Variants in ZNF248 observed in about 807,000 individuals in gnomAD.
The protein encoded by ZNF248 is KRAB protein domain.
Under a neutral mutation model 44.3 loss-of-function variants are expected in ZNF248, and 20 were observed. That is an observed-to-expected ratio of 0.45 (90% confidence interval 0.32 to 0.66). The LOEUF (loss-of-function observed/expected upper bound fraction) is 0.66, where lower values mean the gene tolerates loss of function less well. ZNF248 is among the 30% of genes least tolerant of loss of function. The pLI, the probability that ZNF248 is intolerant of heterozygous loss-of-function variation, is 0.04. For synonymous variants in ZNF248, 224 were observed against 229.0 expected (o/e 0.98, Z 0.20); for missense variants, 654 against 677.0 (o/e 0.97, Z 0.38).
chr10:37,850,219 G>A (rs1031326415), intron 3 of ZNF248, among the ~76,000 whole-genome samples: 1 of 152,146 alleles, frequency 6.6e-6, no homozygotes, highest in Non-Finnish European at 1.5e-5. Flanking sequence ...TTTGAACAGC[G>A]TTTGCAATTC....
At chr10:37,784,289 T>G (rs1230071376) in intron 6 of ZNF248, among the ~76,000 whole-genome samples, 2 of 152,238 alleles carry the variant, frequency 1.3e-5, no homozygotes, top group African/African-American at 4.8e-5. Flanking sequence ...TCCAAGTCCA[T>G]CTTAAAGTCC....
chr10:37,759,018 C>T, the ZNF248 span, among the ~76,000 whole-genome samples: 2 of 152,146 alleles, frequency 1.3e-5, no homozygotes, highest in African/African-American at 4.8e-5. Context: ...AAGGAGACCA[C>T]TAGGCAAGGA....
downstream of ZNF248, among the ~76,000 whole-genome samples, chr10:37,824,116 A>T (rs2053960025): frequency 6.6e-6 from 1 of 152,186 alleles, no homozygotes; most frequent in Non-Finnish European, 1.5e-5. Flanking sequence ...CTCGGGGCCC[A>T]GGAGGACTGA....
At chr10:37,799,721 A>C (rs1199599797) in intron 6 of ZNF248, among the ~76,000 whole-genome samples, 1 of 152,206 alleles carries the variant, frequency 6.6e-6, no homozygotes, top group Non-Finnish European at 1.5e-5. Context: ...TGGAAGAAAA[A>C]ATACACACAG....
intron 6 of ZNF248, among the ~76,000 whole-genome samples, chr10:37,809,981 G>A (rs375891726): frequency 2.6e-5 from 4 of 152,072 alleles, no homozygotes; most frequent in East Asian, 3.9e-4. Context: ...AATAACTAAC[G>A]TGCATTTGAG....
chr10:37,813,906 C>T (rs980723193), intron 6 of ZNF248, among the ~76,000 whole-genome samples: 11 of 152,164 alleles, frequency 7.2e-5, no homozygotes, highest in African/African-American at 1.7e-4. Flanking sequence ...TTAGTGTCTT[C>T]GGACACAGAT....
intron 6 of ZNF248, among the ~76,000 whole-genome samples, chr10:37,811,421 A>G (rs574701578): frequency 2.4e-3 from 364 of 152,240 alleles, no homozygotes; most frequent in Non-Finnish European, 2.9e-3. Context: ...ATGACAACTT[A>G]GAGCAAAAAA....
At chr10:37,777,376 T>C (rs959132630) in intron 6 of ZNF248, among the ~76,000 whole-genome samples, 1 of 152,180 alleles carries the variant, frequency 6.6e-6, no homozygotes, top group Non-Finnish European at 1.5e-5. Flanking sequence ...CTTTCAGGAC[T>C]TGCATAAACA....
Position 37,832,615 on chromosome 10 carries a change from C to G in ZNF248, c.740G>C (p.Cys247Ser). ...TAAACTTTCAATGAAGGTTCTTCCA[C>G]ATTCGTTATATTTACAGACTGTCTC... is the stretch of plus-strand genomic sequence containing the variant. ...IGETVCKYNE[C>S]GRTFIESLKL... Residue 247 changes from cysteine to serine, a missense_variant, in exon 6 of 6, where the codon TGT (cysteine) becomes TCT (serine). Cys to Ser is a moderately radical substitution (Grantham distance 112). Coordinates refer to ENST00000395867, the MANE Select transcript of ZNF248 (RefSeq NM_021045.3). The G allele has an allele frequency of 2.5e-6, 4 of 1,613,456 alleles. No homozygotes were observed. The highest frequency in any genetic ancestry group is 3.4e-6 in the Non-Finnish European group (4 of 1,179,882).
At chr10:37,778,271 T>C (rs2046841763) in intron 6 of ZNF248, among the ~76,000 whole-genome samples, 1 of 151,348 alleles carries the variant, frequency 6.6e-6, no homozygotes. Context: ...TTGATTTGCA[T>C]TTCTCTGATG....
intron 6 of ZNF248, among the ~76,000 whole-genome samples, chr10:37,802,230 A>G (rs2049925845): frequency 6.6e-6 from 1 of 152,154 alleles, no homozygotes; most frequent in Admixed American, 6.5e-5. Flanking sequence ...GTTTCTTGTT[A>G]CTCATGGAGA....
chr10:37,800,083 A>G (rs904516349), intron 6 of ZNF248, among the ~76,000 whole-genome samples: 2 of 152,106 alleles, frequency 1.3e-5, no homozygotes, highest in Non-Finnish European at 2.9e-5. Flanking sequence ...AGAAAAAAGA[A>G]AACACCAGAC....
chr10:37,813,025 GAAA>G (rs75862715), intron 6 of ZNF248, among the ~76,000 whole-genome samples: 8 of 108,632 alleles, frequency 7.4e-5, no homozygotes, highest in South Asian at 3.1e-4. Context: ...ATGGCAAAAA[GAAA>G]AAAAAAAAAA....
At chr10:37,781,427 T>C (rs1288629248) in intron 6 of ZNF248, among the ~76,000 whole-genome samples, 1 of 152,224 alleles carries the variant, frequency 6.6e-6, no homozygotes, top group Non-Finnish European at 1.5e-5. Context: ...CAAGATGCAT[T>C]TTAAGGTGTG....
In ZNF248 at chr10:37,841,760, T is replaced by A. The variant is rs557239274; in HGVS notation, c.16-3649A>T. On this transcript the variant is annotated intron_variant, in intron 3 of 5. Transcript: ENST00000395867. ...TCATGCTCATAGCATTTTCCCTTGA[T>A]AGGATGTGACTGAATGACACTACCT... Among the ~76,000 whole-genome samples, 329 of 152,336 alleles carry A rather than the reference T, an allele frequency of 2.2e-3. 1 individual carries two copies. Among genetic ancestry groups the A allele is most frequent in the Non-Finnish European group, 3.0e-3 (207 of 68,040 alleles).
chr10:37,833,170 A>T (rs2056318324), intron 5 of ZNF248, 54 bp from the exon 6 acceptor site: 1 of 1,515,758 alleles, frequency 6.6e-7, no homozygotes, highest in African/African-American at 1.4e-5. Flanking sequence ...TTTCTGATGG[A>T]ATCAGACTTT....
rs562441899 is a variant in ZNF248, at chr10:37,842,962, G to C, written c.16-4851C>G. On this transcript the variant is annotated intron_variant, in intron 3 of 5. Coordinates refer to ENST00000395867, the MANE Select transcript of ZNF248 (RefSeq NM_021045.3). Reference sequence around the variant, plus strand: ...AATCAGGACACGAAGGCTAAAGCAAGGTTGTAAACAGCCTGGCTAAATGTT... The same window carrying C: ...AATCAGGACACGAAGGCTAAAGCAACGTTGTAAACAGCCTGGCTAAATGTT... Among the ~76,000 whole-genome samples, 3 of 152,276 alleles carry C rather than the reference G, an allele frequency of 2.0e-5. No individual in the cohort carries two copies. In the East Asian group the frequency reaches 5.8e-4, roughly 29 times the overall value.
At chr10:37,777,491 C>T (rs1217854998) in intron 6 of ZNF248, among the ~76,000 whole-genome samples, 7 of 151,704 alleles carry the variant, frequency 4.6e-5, no homozygotes, top group African/African-American at 2.4e-5. Flanking sequence ...CCTAAAACCT[C>T]AATAAACGCC....
chr10:37,775,087 C>T (rs919937950), downstream of ZNF248, among the ~76,000 whole-genome samples: 1 of 152,024 alleles, frequency 6.6e-6, no homozygotes, highest in East Asian at 1.9e-4. Flanking sequence ...TTTATTCTTA[C>T]GGTCAAAACA....
Sources: allele counts gnomAD v4.1 joint callset (sites outside exome capture counted in the v4.1 genomes callset), GRCh38; gene constraint gnomAD v4.1.1; transcripts MANE v1.5; gene names NCBI Gene and HGNC (gene_info 2026-07-23, HGNC 2026-07-21).